Variants in TPR observed in about 807,000 individuals in gnomAD.
TPR encodes translocated promoter region, nuclear basket protein.
A neutral mutation model predicts 316.1 loss-of-function variants in TPR; 51 were observed. The observed-to-expected ratio is 0.16, with a 90% CI of 0.13 to 0.20. TPR has a LOEUF of 0.20. TPR is among the 10% of genes least tolerant of loss of function. The pLI, the probability that TPR is intolerant of heterozygous loss-of-function variation, is 1.00. For synonymous variants in TPR, 981 were observed against 914.7 expected (o/e 1.07, Z -1.31); for missense variants, 2,272 against 2,754.8 (o/e 0.82, Z 3.92).
At chr1:186,361,307 G>A (rs1376991048) in intron 9 of TPR, among the ~76,000 whole-genome samples, 1 of 151,884 alleles carries the variant, frequency 6.6e-6, no homozygotes, top group Non-Finnish European at 1.5e-5. Flanking sequence ...TATTTATAAA[G>A]TAAGAGTATT....
Position 186,313,509 on chromosome 1 carries a change from GAA to G in TPR, c.*460_*461del. On this transcript the variant is annotated 3_prime_UTR_variant, in exon 51 of 51. Coordinates refer to ENST00000367478, the MANE Select transcript of TPR (RefSeq NM_003292.3). ...AATCTTTTGAAACATCAAAAAAGCTGAAAAGTCTAGGCAATTGTTTTTCTTTT... is the reference window on the plus strand; with the variant it reads ...AATCTTTTGAAACATCAAAAAAGCTGAAGTCTAGGCAATTGTTTTTCTTTT... The G allele has an allele frequency of 1.8e-6, 1 of 555,350 alleles. No homozygotes were observed. Among genetic ancestry groups the G allele is most frequent in the Non-Finnish European group, 3.2e-6 (1 of 315,462 alleles). 34.4% of individuals were successfully genotyped at this position (555,350 alleles called of 1,614,324 possible).
At chr1:186,362,145 G>T in intron 7 of TPR, 143 bp downstream of exon 7, 1 of 660,752 alleles carries the variant, frequency 1.5e-6, no homozygotes, top group African/African-American at 1.8e-5. Context: ...TTCTATTTTA[G>T]CCTAGCTACA....
At chr1:186,364,942 T>A (rs1354377027) in intron 4 of TPR, among the ~76,000 whole-genome samples, 1 of 152,012 alleles carries the variant, frequency 6.6e-6, no homozygotes, top group Admixed American at 6.6e-5. Context: ...TTATAAAGCT[T>A]TTAACCCCAG....
chr1:186,347,590 C>T lies in TPR; in HGVS notation c.2777-132G>A, dbSNP rs569255361. The T allele has an allele frequency of 4.2e-3, 3,719 of 894,336 alleles. 11 individuals are homozygous for T. The highest frequency in any genetic ancestry group is 5.1e-3 in the Non-Finnish European group (3,331 of 653,192). 55.4% of individuals were successfully genotyped at this position (894,336 alleles called of 1,614,324 possible). On this transcript the variant is annotated intron_variant, in intron 21 of 50. Transcript: ENST00000367478. ...TTAGAAAGTATATTTCAATCCATGC[C>T]GAATACCAAAATAAAAGCAGGTACT...
chr1:186,346,167 T>G lies in TPR; in HGVS notation c.3064A>C (p.Lys1022Gln), dbSNP rs753712651. ...EKEKQELQDD[K>Q]RRAIESMEQQ... Reference sequence around the variant, plus strand: ...TCCATGCTCTCTATGGCTCTTCTTTTATCATCCTGAAGTTCTTGTTTTTCC... The same window carrying G: ...TCCATGCTCTCTATGGCTCTTCTTTGATCATCCTGAAGTTCTTGTTTTTCC... The change falls in exon 23 of 51, where the codon AAA (lysine) becomes CAA (glutamine). Residue 1022 changes from lysine to glutamine, a missense_variant. This residue lies in a region of TPR where 757 missense variants were observed against 859.8 expected (regional missense o/e 0.88). Transcript: ENST00000367478. The G allele has an allele frequency of 8.5e-5, 137 of 1,613,070 alleles. No homozygotes were observed. The East Asian group carries it at 3.1e-3, about 36-fold the overall frequency.
At chr1:186,325,671 C>T (rs1657904346) in intron 42 of TPR, 93 bp downstream of exon 42, 6 of 1,009,768 alleles carry the variant, frequency 5.9e-6, no homozygotes, top group South Asian at 1.8e-5. Flanking sequence ...TTTACCAATT[C>T]AATAAATAAA....
intron 2 of TPR, among the ~76,000 whole-genome samples, chr1:186,371,528 C>G (rs1035691005): frequency 6.6e-5 from 10 of 152,110 alleles, no homozygotes; most frequent in Admixed American, 6.5e-4. Context: ...AAACATTATG[C>G]TTGATAACGC....
chr1:186,332,421 A>T, intron 37 of TPR, 78 bp from the exon 38 acceptor site: 2 of 1,462,068 alleles, frequency 1.4e-6, no homozygotes, highest in Non-Finnish European at 1.9e-6. Flanking sequence ...CAATATGGTC[A>T]CTTAACTAAA....
intron 49 of TPR, among the ~76,000 whole-genome samples, chr1:186,315,456 C>T (rs1270698420): frequency 6.6e-6 from 1 of 152,070 alleles, no homozygotes; most frequent in Admixed American, 6.5e-5. Flanking sequence ...ATTAGCAAAT[C>T]ATGAATGCTC....
intron 4 of TPR, among the ~76,000 whole-genome samples, chr1:186,367,212 C>T (rs1229389862): frequency 6.6e-6 from 1 of 151,884 alleles, no homozygotes; most frequent in East Asian, 1.9e-4. Context: ...ATTACAGGTG[C>T]GTGCCACCAT....
chr1:186,313,764 T>C lies in TPR; in HGVS notation c.*207A>G. 6.2e-7 allele frequency: 1 copy of C among 1,603,638 alleles called. No individual in the cohort carries two copies. The highest frequency in any genetic ancestry group is 8.5e-7 in the Non-Finnish European group (1 of 1,170,582). ...TGGGCAGACCTTATCCAAAGTCTGG[T>C]ACAACTGTCCTTAGACTGATGAGCA... On this transcript the variant is annotated 3_prime_UTR_variant, in exon 51 of 51. Transcript: ENST00000367478.
Position 186,360,809 on chromosome 1 carries a change from T to C in TPR, c.1055A>G (p.Glu352Gly). 1 of 1,613,048 alleles carries C rather than the reference T, an allele frequency of 6.2e-7. No individual in the cohort carries two copies. Among genetic ancestry groups the C allele is most frequent in the Non-Finnish European group, 8.5e-7 (1 of 1,179,308 alleles). The change falls in exon 10 of 51, where the codon GAA becomes GGA. Residue 352 changes from glutamate to glycine, a missense_variant. By Grantham distance (98) the Glu-to-Gly change is moderately conservative. Coordinates refer to ENST00000367478, the MANE Select transcript of TPR (RefSeq NM_003292.3). ...MLEKIGRLEK[E>G]LENANDLLSA... ...AAGAAGGTCATTTGCATTCTCTAAT[T>C]CCTTCTCCAATCTCCCTATTTTCTC...
Position 186,313,609 on chromosome 1 carries a change from T to C in TPR, c.*362A>G. The stretch of plus-strand genomic sequence containing the variant: ...TAAACATTGTCTTTGAGCATAATAG[T>C]CAACATAAGTTATTTTTTAGTTTGG... On this transcript the variant is annotated 3_prime_UTR_variant, in exon 51 of 51. Transcript: ENST00000367478. The C allele has an allele frequency of 1.1e-6, 1 of 885,334 alleles. No homozygotes were observed. Among genetic ancestry groups the C allele is most frequent in the Non-Finnish European group, 1.9e-6 (1 of 518,648 alleles). 54.8% of individuals were successfully genotyped at this position (885,334 alleles called of 1,614,324 possible).
chr1:186,358,247 A>C (rs1025655091), intron 13 of TPR, among the ~76,000 whole-genome samples: 9 of 152,184 alleles, frequency 5.9e-5, no homozygotes, highest in African/African-American at 2.2e-4. Context: ...TAACTTAGCT[A>C]CACTTTGGGA....
intron 23 of TPR, 38 bp downstream of exon 23, chr1:186,346,097 C>G: frequency 1.3e-6 from 2 of 1,549,730 alleles, no homozygotes; most frequent in Non-Finnish European, 1.7e-6. Flanking sequence ...CAAATCCTTA[C>G]AAGTTAAAAA....
chr1:186,346,474 C>T (rs940967477), intron 22 of TPR, among the ~76,000 whole-genome samples, 187 bp from the exon 23 acceptor site: 4 of 152,136 alleles, frequency 2.6e-5, no homozygotes, highest in African/African-American at 9.7e-5. Flanking sequence ...AATCTACAAG[C>T]ATTTACCATT....
In TPR at chr1:186,352,124, G is replaced by A. The variant is rs1263572018; in HGVS notation, c.2335-14C>T. On this transcript the variant is annotated splice_polypyrimidine_tract_variant and intron_variant, in intron 18 of 50. Transcript: ENST00000367478. ...TTCTGCTCTTACCTAAACATAAGTAGAAATGAAATAAAAAATGCTGAAAAA... is the reference window on the plus strand; with the variant it reads ...TTCTGCTCTTACCTAAACATAAGTAAAAATGAAATAAAAAATGCTGAAAAA... 1.3e-6 allele frequency: 2 copies of A among 1,572,002 alleles called. No individual in the cohort carries two copies. The highest frequency in any genetic ancestry group is 2.3e-5 in the East Asian group (1 of 44,084).
At chr1:186,331,014 T>G (rs1212092744) in intron 39 of TPR, among the ~76,000 whole-genome samples, 1 of 152,108 alleles carries the variant, frequency 6.6e-6, no homozygotes, top group Non-Finnish European at 1.5e-5. Context: ...CTTTGTAACT[T>G]CAGGGTCTAT....
Position 186,312,564 on chromosome 1 carries a change from T to G in TPR, c.*1407A>C, listed in dbSNP as rs7756. The G allele has an allele frequency of 0.64, 503,961 of 787,338 alleles. 162,257 individuals are homozygous for G. The highest frequency in any genetic ancestry group is 0.67 in the East Asian group (24,941 of 37,380). The allele number at this position is 787,338 out of a possible 1,614,324, so 48.8% of individuals were successfully genotyped here. A position where few individuals can be genotyped will look rare whatever the true frequency, so the allele number is the denominator to read the frequency against. ...TACTTTCTTTTTCCTTGTGGGTAAG[T>G]AAAGCAGTTTGTTCAGGTTTGTTAG... On this transcript the variant is annotated 3_prime_UTR_variant, in exon 51 of 51. Coordinates refer to ENST00000367478, the MANE Select transcript of TPR (RefSeq NM_003292.3).
Sources: allele counts gnomAD v4.1 joint callset (sites outside exome capture counted in the v4.1 genomes callset), GRCh38; gene constraint gnomAD v4.1.1; regional missense constraint gnomAD v4.1.1; transcripts MANE v1.5; gene names NCBI Gene and HGNC (gene_info 2026-07-23, HGNC 2026-07-21).